KCTD8: variants seen among roughly 807,000 people sequenced by gnomAD.
KCTD8 encodes BTB/POZ domain-containing protein KCTD8.
KCTD8 carries 27 observed loss-of-function variants against 31.5 expected under a neutral mutation model. The observed-to-expected ratio is 0.86, with a 90% CI of 0.63 to 1.18. The LOEUF is 1.18. KCTD8 is among the 50% of genes most tolerant of loss of function. The pLI is 0.00. For missense variants in KCTD8, 658 were observed against 647.7 expected (o/e 1.02, Z -0.17); for synonymous variants, 290 against 280.0 (o/e 1.04, Z -0.36).
intron 1 of KCTD8, among the ~76,000 whole-genome samples, chr4:44,280,781 A>G (rs1716884874): frequency 6.6e-6 from 1 of 152,024 alleles, no homozygotes; most frequent in Admixed American, 6.6e-5. Flanking sequence ...CTTGCAACCC[A>G]CTATTGAGAT....
At chr4:44,295,126 C>T (rs1717391338) in intron 1 of KCTD8, among the ~76,000 whole-genome samples, 1 of 151,902 alleles carries the variant, frequency 6.6e-6, no homozygotes, top group South Asian at 2.1e-4. Flanking sequence ...GACCCTGTCT[C>T]CATATTTTAA....
chr4:44,302,787 G>C (rs928034390), intron 1 of KCTD8, among the ~76,000 whole-genome samples: 4 of 151,842 alleles, frequency 2.6e-5, no homozygotes, highest in African/African-American at 9.7e-5. Flanking sequence ...GGGCATCCCT[G>C]TCTTGTGCCA....
intron 1 of KCTD8, among the ~76,000 whole-genome samples, chr4:44,422,057 T>C (rs1721224937): frequency 6.6e-6 from 1 of 152,140 alleles, no homozygotes; most frequent in African/African-American, 2.4e-5. Context: ...CTATACTTAA[T>C]GTAACAAACT....
intron 1 of KCTD8, among the ~76,000 whole-genome samples, chr4:44,431,657 G>A (rs1422783161): frequency 2.0e-5 from 3 of 151,406 alleles, no homozygotes; most frequent in Non-Finnish European, 4.4e-5. Flanking sequence ...TCTTATCAGG[G>A]TATCTTTTGA....
At chr4:44,381,999 A>T (rs554102816) in intron 1 of KCTD8, among the ~76,000 whole-genome samples, 1 of 152,250 alleles carries the variant, frequency 6.6e-6, no homozygotes, top group Admixed American at 6.5e-5. Flanking sequence ...TATAATGATA[A>T]AGGGATAAAT....
intron 1 of KCTD8, among the ~76,000 whole-genome samples, chr4:44,180,576 TATAC>T (rs138518038): frequency 0.039 from 5,793 of 148,054 alleles, 152 homozygotes; most frequent in Non-Finnish European, 0.044. Flanking sequence ...GAACAGTCAG[TATAC>T]ATACATGCAC....
chr4:44,425,093 C>T (rs150557738), intron 1 of KCTD8, among the ~76,000 whole-genome samples: 25 of 152,066 alleles, frequency 1.6e-4, no homozygotes, highest in African/African-American at 5.1e-4. Context: ...TTAGAAGAAA[C>T]CAACACTGTC....
chr4:44,377,441 G>A (rs567975449), intron 1 of KCTD8, among the ~76,000 whole-genome samples: 24 of 152,302 alleles, frequency 1.6e-4, no homozygotes, highest in Admixed American at 9.8e-4. Context: ...ATAGGCTCAG[G>A]AAGCAGGCTC....
chr4:44,346,164 A>T (rs12506473), intron 1 of KCTD8, among the ~76,000 whole-genome samples: 35,372 of 151,992 alleles, frequency 0.23, 4,804 homozygotes, highest in Non-Finnish European at 0.31. Flanking sequence ...GCAGTTTCCA[A>T]GTTTTTTATT....
intron 1 of KCTD8, among the ~76,000 whole-genome samples, chr4:44,417,631 T>C (rs1227191323): frequency 1.6e-4 from 1 of 6,434 alleles, no homozygotes; most frequent in African/African-American, 3.5e-4. Context: ...ATAAACAATA[T>C]GCTGTTTGCC....
At chr4:44,219,744 A>G in intron 1 of KCTD8, among the ~76,000 whole-genome samples, 1 of 152,210 alleles carries the variant, frequency 6.6e-6, no homozygotes, top group East Asian at 1.9e-4. Context: ...CTAGGATACT[A>G]ATGACTTTAT....
At chr4:44,204,043 G>A (rs1223023963) in intron 1 of KCTD8, among the ~76,000 whole-genome samples, 1 of 151,658 alleles carries the variant, frequency 6.6e-6, no homozygotes, top group East Asian at 1.9e-4. Context: ...AAAAATGAAG[G>A]CAGCTCATCA....
chr4:44,233,160 GAA>G (rs980749589), intron 1 of KCTD8, among the ~76,000 whole-genome samples: 4 of 151,884 alleles, frequency 2.6e-5, no homozygotes, highest in African/African-American at 9.7e-5. Flanking sequence ...ACTATCTAGA[GAA>G]AAAGTCAAAA....
At chr4:44,342,167 C>T (rs149534923) in intron 1 of KCTD8, among the ~76,000 whole-genome samples, 4 of 151,980 alleles carry the variant, frequency 2.6e-5, no homozygotes, top group Non-Finnish European at 4.4e-5. Flanking sequence ...ATCAGGAGAT[C>T]GAGACCATCC....
chr4:44,248,487 T>C (rs1156237736), intron 1 of KCTD8, among the ~76,000 whole-genome samples: 1 of 151,678 alleles, frequency 6.6e-6, no homozygotes, highest in Non-Finnish European at 1.5e-5. Context: ...AAAAACTTAC[T>C]GGCCTACTTT....
At chr4:44,447,530 G>A (rs777013649) in intron 1 of KCTD8, 33 bp downstream of exon 1, 16 of 1,504,458 alleles carry the variant, frequency 1.1e-5, no homozygotes, top group East Asian at 9.7e-5. Context: ...AGGGGGCGAG[G>A]GGTGCTGGGA....
chr4:44,175,204 C>T lies in KCTD8; in HGVS notation c.1008G>A (p.Arg336=). Residue 336 remains arginine (R), a synonymous_variant, in exon 2 of 2, where the codon AGG becomes AGA. Transcript: ENST00000360029. ...CTTTATCAGTGACTTTGTCATGTTTCCTATCTTCATGTTCTTGTTTAGGTG... is the reference window on the plus strand; with the variant it reads ...CTTTATCAGTGACTTTGTCATGTTTTCTATCTTCATGTTCTTGTTTAGGTG... ...IVSPKQEHED[R]KHDKVTDKGS... 6.2e-7 allele frequency: 1 copy of T among 1,604,654 alleles called. No homozygotes were observed. The highest frequency in any genetic ancestry group is 1.1e-5 in the South Asian group (1 of 89,350).
At chr4:44,364,193 G>C (rs1331962930) in intron 1 of KCTD8, among the ~76,000 whole-genome samples, 1 of 151,922 alleles carries the variant, frequency 6.6e-6, no homozygotes. Flanking sequence ...TCTGATAGAG[G>C]ACTTGTATCC....
At chr4:44,239,132 A>G (rs917061961) in intron 1 of KCTD8, among the ~76,000 whole-genome samples, 3 of 152,226 alleles carry the variant, frequency 2.0e-5, no homozygotes, top group Non-Finnish European at 4.4e-5. Flanking sequence ...TGAGGATCAC[A>G]TAAAATATAA....
Sources: allele counts gnomAD v4.1 joint callset (sites outside exome capture counted in the v4.1 genomes callset), GRCh38; gene constraint gnomAD v4.1.1; transcripts MANE v1.5; gene names NCBI Gene and HGNC (gene_info 2026-07-23, HGNC 2026-07-21).